The following PRIM2 variants were observed in gnomAD, a reference collection of about 807,000 sequenced individuals.
PRIM2 encodes DNA primase large subunit.
Under a neutral mutation model 67.3 loss-of-function variants are expected in PRIM2, and 39 were observed. That is an observed-to-expected ratio of 0.58 (90% CI 0.45 to 0.76). PRIM2 has a LOEUF of 0.76. Ranked by LOEUF, PRIM2 falls within the 30% of genes least tolerant of loss-of-function variation. The pLI is 0.00. For synonymous variants in PRIM2, 143 were observed against 198.7 expected (o/e 0.72, Z 2.36); for missense variants, 398 against 598.7 (o/e 0.66, Z 3.50).
intron 7 of PRIM2, among the ~76,000 whole-genome samples, chr6:57,470,666 T>A (rs1268778960): frequency 6.6e-6 from 1 of 151,858 alleles, no homozygotes; most frequent in Non-Finnish European, 1.5e-5. Flanking sequence ...ATTAAATAAT[T>A]GTATGTAGCC....
intron 7 of PRIM2, among the ~76,000 whole-genome samples, chr6:57,389,912 A>C (rs544353629): frequency 2.6e-4 from 39 of 152,250 alleles, no homozygotes; most frequent in Non-Finnish European, 4.4e-4. Context: ...TCTGGTTAAC[A>C]TGTCTTTTTA....
intron 10 of PRIM2, among the ~76,000 whole-genome samples, chr6:57,566,141 G>A (rs1775733877): frequency 7.7e-6 from 1 of 130,692 alleles, no homozygotes; most frequent in Non-Finnish European, 1.7e-5. Flanking sequence ...TGCTTTTTTT[G>A]TGGTGTCATT....
chr6:57,242,236 A>T, the PRIM2 span, among the ~76,000 whole-genome samples: 2 of 152,180 alleles, frequency 1.3e-5, no homozygotes, highest in African/African-American at 4.8e-5. Context: ...AAATAAAAAT[A>T]CCTAAAAACT....
At chr6:57,642,686 C>T (rs1219654029) in intron 13 of PRIM2, among the ~76,000 whole-genome samples, 5 of 152,032 alleles carry the variant, frequency 3.3e-5, no homozygotes, top group African/African-American at 1.2e-4. Flanking sequence ...CGTGATCCGC[C>T]CGTCTCGGCC....
chr6:57,583,417 G>A (rs1353383841), intron 10 of PRIM2, among the ~76,000 whole-genome samples: 1 of 146,238 alleles, frequency 6.8e-6, no homozygotes, highest in Non-Finnish European at 1.5e-5. Context: ...CTATGAGTGA[G>A]AATATGCGGT....
chr6:57,391,534 T>G (rs1770344277), intron 7 of PRIM2, among the ~76,000 whole-genome samples: 1 of 152,190 alleles, frequency 6.6e-6, no homozygotes, highest in African/African-American at 2.4e-5. Flanking sequence ...TTTGAGTTGA[T>G]TTTTATATAT....
intron 7 of PRIM2, among the ~76,000 whole-genome samples, chr6:57,396,942 T>C (rs1770535144): frequency 6.6e-6 from 1 of 152,208 alleles, no homozygotes; most frequent in Admixed American, 6.5e-5. Flanking sequence ...TTTTTCTGGA[T>C]ATAAAATTCT....
chr6:57,436,192 T>C (rs1772008490), intron 7 of PRIM2, among the ~76,000 whole-genome samples: 1 of 152,214 alleles, frequency 6.6e-6, no homozygotes, highest in African/African-American at 2.4e-5. Context: ...GGGATTTTGC[T>C]TAGTTTGCCA....
Position 57,373,184 on chromosome 6 carries a change from G to A in PRIM2, c.460-6717G>A, listed in dbSNP as rs1581838590. On this transcript the variant is annotated intron_variant, in intron 5 of 13. Coordinates refer to ENST00000615550, the MANE Select transcript of PRIM2 (RefSeq NM_000947.5). Reference sequence around the variant, plus strand: ...CTGGTGTGAGATGGTACCTCATTGTGGTTTTGATTTGCATTTGTCTAATGA... The same window carrying A: ...CTGGTGTGAGATGGTACCTCATTGTAGTTTTGATTTGCATTTGTCTAATGA... Among the ~76,000 whole-genome samples, 10 of 151,590 alleles carry A rather than the reference G, an allele frequency of 6.6e-5. 1 individual carries two copies. In the South Asian group the frequency reaches 2.1e-3, roughly 32 times the overall value.
intron 7 of PRIM2, among the ~76,000 whole-genome samples, chr6:57,422,154 C>CTTTATTTTTTTTTTT (rs1177401174): frequency 1.8e-5 from 1 of 54,512 alleles, no homozygotes; most frequent in Non-Finnish European, 4.3e-5. Flanking sequence ...TATTTCTTTT[C>CTTTATTTTTTTTTTT]TTTCTTTTTT....
At chr6:57,598,062 T>C (rs1428042165) in intron 10 of PRIM2, among the ~76,000 whole-genome samples, 1 of 152,210 alleles carries the variant, frequency 6.6e-6, no homozygotes, top group African/African-American at 2.4e-5. Flanking sequence ...ACTCTAGTTA[T>C]TAGAGTGAGA....
chr6:57,423,583 T>C (rs570536449), intron 7 of PRIM2, among the ~76,000 whole-genome samples: 51 of 152,246 alleles, frequency 3.3e-4, no homozygotes, highest in African/African-American at 1.1e-3. Context: ...ATGTTAGTAG[T>C]TGCTAGGTAA....
intron 8 of PRIM2, among the ~76,000 whole-genome samples, chr6:57,511,149 CAA>C (rs1774357615): frequency 6.6e-6 from 1 of 152,022 alleles, no homozygotes; most frequent in Non-Finnish European, 1.5e-5. Flanking sequence ...TTTAGAGACT[CAA>C]AGAGAATTAA....
intron 5 of PRIM2, among the ~76,000 whole-genome samples, chr6:57,338,553 T>C (rs1184908382): frequency 1.1e-4 from 16 of 150,972 alleles, no homozygotes; most frequent in Non-Finnish European, 1.9e-4. Context: ...GCTCGTTCAA[T>C]ATACGCAAAT....
the PRIM2 span, among the ~76,000 whole-genome samples, chr6:57,279,224 A>G: frequency 6.6e-6 from 1 of 152,186 alleles, no homozygotes; most frequent in Admixed American, 6.5e-5. Context: ...GTTTTATATG[A>G]GGGAAACCAC....
chr6:57,380,747 G>A (rs1488418818), intron 6 of PRIM2, among the ~76,000 whole-genome samples: 1 of 150,502 alleles, frequency 6.6e-6, no homozygotes, highest in African/African-American at 2.4e-5. Context: ...CAAGCCTAGA[G>A]TGTGGTGATC....
chr6:57,562,730 A>G lies in PRIM2; in HGVS notation c.1020+25105A>G, dbSNP rs1175414254. 3.3e-5 allele frequency among the ~76,000 whole-genome samples: 5 copies of G among 152,282 alleles called. No individual in the cohort carries two copies. In the East Asian group the frequency reaches 7.7e-4, roughly 24 times the overall value. ...GTCTTTCCAATCTCAGATAATGGCA[A>G]TCTCATTGTTTTAGTTGCTCAGGTT... On this transcript the variant is annotated intron_variant, in intron 10 of 13. Coordinates refer to ENST00000615550, the MANE Select transcript of PRIM2 (RefSeq NM_000947.5).
chr6:57,281,938 A>G, the PRIM2 span, among the ~76,000 whole-genome samples: 2 of 152,192 alleles, frequency 1.3e-5, no homozygotes, highest in East Asian at 1.9e-4. Flanking sequence ...CCAGTACTAA[A>G]TGATTTATGC....
At chr6:57,454,996 C>T (rs1467216385) in intron 7 of PRIM2, among the ~76,000 whole-genome samples, 3 of 152,020 alleles carry the variant, frequency 2.0e-5, no homozygotes, top group Non-Finnish European at 4.4e-5. Flanking sequence ...TCTTTGTTCT[C>T]ATTGGTTTCA....
Sources: gnomAD v4.1 joint callset for allele counts (sites outside exome capture counted in the v4.1 genomes callset) on GRCh38, gnomAD v4.1.1 for gene constraint, MANE v1.5 for transcripts, NCBI Gene and HGNC (gene_info 2026-07-23, HGNC 2026-07-21) for gene names.